Variants in PACRG observed in about 807,000 individuals in gnomAD.
The protein encoded by PACRG is parkin coregulated.
Under a neutral mutation model 29.7 loss-of-function variants are expected in PACRG, and 29 were observed. That is an observed-to-expected ratio of 0.98 (90% CI 0.73 to 1.33). PACRG has a LOEUF of 1.33. Among genes scored for constraint, PACRG ranks in the 40% most tolerant of loss-of-function variants. The pLI, the probability that PACRG is intolerant of heterozygous loss-of-function variation, is 0.00. For missense variants in PACRG, 279 were observed against 316.2 expected, an observed-to-expected ratio of 0.88 and a Z score of 0.89; for synonymous variants, 116 against 118.7, an observed-to-expected ratio of 0.98 and a Z score of 0.15.
intron 4 of PACRG, among the ~76,000 whole-genome samples, chr6:163,213,053 C>T (rs920524114): frequency 1.2e-4 from 19 of 152,198 alleles, no homozygotes; most frequent in African/African-American, 4.3e-4. Context: ...GCTGGGATTA[C>T]AGGCATGAGC....
chr6:163,220,575 A>G (rs1781545436), intron 4 of PACRG, among the ~76,000 whole-genome samples: 1 of 152,212 alleles, frequency 6.6e-6, no homozygotes, highest in Non-Finnish European at 1.5e-5. Flanking sequence ...TATATGATAA[A>G]TTAAATTAGG....
intron 2 of PACRG, among the ~76,000 whole-genome samples, chr6:163,001,006 A>G (rs1804540890): frequency 2.0e-5 from 3 of 152,158 alleles, no homozygotes; most frequent in Admixed American, 2.0e-4. Context: ...AGGAGAGGCA[A>G]GAGTCTGCCC....
intron 4 of PACRG, among the ~76,000 whole-genome samples, chr6:163,312,545 G>T (rs928830261): frequency 1.3e-5 from 2 of 151,922 alleles, no homozygotes; most frequent in African/African-American, 2.4e-5. Context: ...CATCTCCCCC[G>T]TGCAGCCATT....
intron 3 of PACRG, among the ~76,000 whole-genome samples, chr6:163,082,558 A>T (rs2128293065): frequency 6.6e-6 from 1 of 152,338 alleles, no homozygotes; most frequent in African/African-American, 2.4e-5. Context: ...AGCAGTTTTT[A>T]AAAGCGCTTA....
chr6:163,236,232 G>A (rs1037080752), intron 4 of PACRG, among the ~76,000 whole-genome samples: 3 of 152,158 alleles, frequency 2.0e-5, no homozygotes, highest in African/African-American at 7.2e-5. Context: ...AAACCAAAAT[G>A]TAGTTTGACC....
In PACRG at chr6:163,306,909, T is replaced by C. The variant is rs1030801047; in HGVS notation, c.614-7918T>C. ...GAGAGCATCCAAAGTTCAGTCTTTATTCAGAGGCAGTAACTGAGATTCAGA... is the reference window on the plus strand; with the variant it reads ...GAGAGCATCCAAAGTTCAGTCTTTACTCAGAGGCAGTAACTGAGATTCAGA... On this transcript the variant is annotated intron_variant, in intron 4 of 4. Transcript: ENST00000366888. Among the ~76,000 whole-genome samples the C allele has an allele frequency of 5.9e-5, 9 of 152,340 alleles. No homozygotes were observed. The South Asian group carries it at 1.7e-3, about 28-fold the overall frequency.
chr6:163,289,332 G>A (rs1784502716), intron 4 of PACRG, among the ~76,000 whole-genome samples: 1 of 152,138 alleles, frequency 6.6e-6, no homozygotes, highest in African/African-American at 2.4e-5. Flanking sequence ...CTTTCACGAT[G>A]CGGTTCCTTT....
At chr6:162,840,184 C>A (rs1478886303) in intron 2 of PACRG, among the ~76,000 whole-genome samples, 8 of 110,386 alleles carry the variant, frequency 7.2e-5, no homozygotes, top group Non-Finnish European at 8.9e-5. Flanking sequence ...TTACCTTGGG[C>A]AGTATGGCCA....
intron 2 of PACRG, among the ~76,000 whole-genome samples, chr6:162,915,941 G>A (rs913698106): frequency 6.6e-6 from 1 of 152,088 alleles, no homozygotes; most frequent in African/African-American, 2.4e-5. Context: ...GAACTTAAGA[G>A]GAAAGCACAG....
intron 2 of PACRG, among the ~76,000 whole-genome samples, chr6:162,879,637 C>G (rs1793665292): frequency 6.6e-6 from 1 of 152,222 alleles, no homozygotes; most frequent in Admixed American, 6.5e-5. Flanking sequence ...TAGGAGGCTT[C>G]ATTCATTAAT....
chr6:163,131,161 A>G (rs1816718188), intron 4 of PACRG, among the ~76,000 whole-genome samples: 1 of 151,904 alleles, frequency 6.6e-6, no homozygotes, highest in Non-Finnish European at 1.5e-5. Flanking sequence ...ACAAAAAATT[A>G]TCCGGGCGTG....
At chr6:163,305,173 T>G (rs1785150309) in intron 4 of PACRG, among the ~76,000 whole-genome samples, 1 of 152,316 alleles carries the variant, frequency 6.6e-6, no homozygotes, top group Admixed American at 6.5e-5. Context: ...CACATTCAAT[T>G]CCAGCAAGAA....
chr6:162,861,566 A>G (rs1195208760), intron 2 of PACRG, among the ~76,000 whole-genome samples: 1 of 152,198 alleles, frequency 6.6e-6, no homozygotes, highest in Non-Finnish European at 1.5e-5. Context: ...AGCGAAAGCA[A>G]CTGAGACCCT....
At chr6:163,144,390 G>A (rs767080068) in intron 4 of PACRG, among the ~76,000 whole-genome samples, 7 of 151,522 alleles carry the variant, frequency 4.6e-5, no homozygotes, top group Non-Finnish European at 1.0e-4. Context: ...CTGCAACAAC[G>A]TGGGTTAGTA....
chr6:163,301,877 C>G (rs1250785564), intron 4 of PACRG, among the ~76,000 whole-genome samples: 1 of 152,080 alleles, frequency 6.6e-6, no homozygotes, highest in Non-Finnish European at 1.5e-5. Flanking sequence ...ATATTATTTC[C>G]CCTGTTTCAG....
chr6:163,306,670 C>T lies in PACRG; in HGVS notation c.614-8157C>T, dbSNP rs1490478835. ...TCTTAACTAGAATTAATTATATAAA[C>T]ATTTGGTCTTTTCAGGTTTTCTTAG... On this transcript the variant is annotated intron_variant, in intron 4 of 4. Transcript: ENST00000366888. 2.0e-5 allele frequency among the ~76,000 whole-genome samples: 3 copies of T among 152,112 alleles called. No homozygotes were observed. The East Asian group carries it at 5.8e-4, about 29-fold the overall frequency.
chr6:163,183,894 A>G (rs1196370515), intron 4 of PACRG, among the ~76,000 whole-genome samples: 1 of 152,232 alleles, frequency 6.6e-6, no homozygotes. Context: ...AAGCAATGCA[A>G]CACTGGTTTG....
At chr6:163,255,633 C>CTT (rs5881517) in intron 4 of PACRG, among the ~76,000 whole-genome samples, 3 of 151,206 alleles carry the variant, frequency 2.0e-5, no homozygotes, top group South Asian at 4.2e-4. Flanking sequence ...TCTTCTTGTT[C>CTT]TTTTTTTTTG....
chr6:162,899,899 G>A (rs1195388929), intron 2 of PACRG, among the ~76,000 whole-genome samples: 1 of 152,208 alleles, frequency 6.6e-6, no homozygotes, highest in Non-Finnish European at 1.5e-5. Context: ...TTCCAGGTCT[G>A]AGCGCAAGGA....
Sources: gnomAD v4.1 joint callset for allele counts (sites outside exome capture counted in the v4.1 genomes callset) on GRCh38, gnomAD v4.1.1 for gene constraint, MANE v1.5 for transcripts, NCBI Gene and HGNC (gene_info 2026-07-23, HGNC 2026-07-21) for gene names.